The following RBFOX3 variants were observed in gnomAD, a reference collection of about 807,000 sequenced individuals.
RBFOX3 encodes RNA binding fox-1 homolog 3, also known as RNA binding protein fox-1 homolog 3.
Under a neutral mutation model 48.7 loss-of-function variants are expected in RBFOX3, and 17 were observed. The observed-to-expected ratio is 0.35, with a 90% CI of 0.24 to 0.52. The LOEUF (loss-of-function observed/expected upper bound fraction) is 0.52, where lower values mean the gene tolerates loss of function less well. Among genes scored for constraint, RBFOX3 ranks in the 20% least tolerant of loss-of-function variants. RBFOX3 has a pLI of 0.94. For missense variants in RBFOX3, 382 were observed against 497.5 expected, an observed-to-expected ratio of 0.77 and a Z score of 2.21; for synonymous variants, 212 against 209.5, an observed-to-expected ratio of 1.01 and a Z score of -0.10.
intron 4 of RBFOX3, among the ~76,000 whole-genome samples, chr17:79,200,195 G>T (rs1342958266): frequency 6.8e-6 from 1 of 147,680 alleles, no homozygotes; most frequent in Non-Finnish European, 1.5e-5. Context: ...TGGGAGAAAA[G>T]TACCCTCCTT....
chr17:79,093,551 A>G (rs1276573533), intron 14 of RBFOX3, among the ~76,000 whole-genome samples: 1 of 151,000 alleles, frequency 6.6e-6, no homozygotes, highest in African/African-American at 2.4e-5. Context: ...AAAAATTGAA[A>G]AAAAAAAAAA....
Position 79,173,884 on chromosome 17 carries a change from G to T in RBFOX3, c.-33-58136C>A, listed in dbSNP as rs57660995. On this transcript the variant is annotated intron_variant, in intron 4 of 14. Transcript: ENST00000693108. The stretch of plus-strand genomic sequence containing the variant: ...CTCCCCACGCTGAGTACAGAGCTTT[G>T]CACACGCCACGTGCTGAAGTGGAGC... Among the ~76,000 whole-genome samples, 1,248 of 141,658 alleles carry T rather than the reference G, an allele frequency of 8.8e-3. 27 individuals carry two copies. Among genetic ancestry groups the T allele is most frequent in the African/African-American group, 0.03 (1,176 of 39,290 alleles). 92.9% of individuals were successfully genotyped at this position (141,658 alleles called of 152,430 possible). A position where few individuals can be genotyped will look rare whatever the true frequency, so the allele number is the denominator to read the frequency against.
At chr17:79,386,177 G>A (rs1299332029) in intron 2 of RBFOX3, among the ~76,000 whole-genome samples, 5 of 135,296 alleles carry the variant, frequency 3.7e-5, no homozygotes, top group East Asian at 2.2e-4. Context: ...ATCACCTCCT[G>A]TAACAGATGG....
intron 1 of RBFOX3, among the ~76,000 whole-genome samples, chr17:79,573,307 C>A (rs2092742919): frequency 1.3e-5 from 2 of 152,324 alleles, no homozygotes; most frequent in South Asian, 2.1e-4. Flanking sequence ...AGCTGGGCAT[C>A]GAGACTGGGC....
intron 1 of RBFOX3, among the ~76,000 whole-genome samples, chr17:79,564,973 G>A (rs1392753326): frequency 1.1e-4 from 17 of 150,520 alleles, no homozygotes; most frequent in African/African-American, 3.4e-4. Flanking sequence ...CCCGGGAGGC[G>A]GAGTTGCAGT....
chr17:79,459,361 T>C (rs1015933062), intron 2 of RBFOX3, among the ~76,000 whole-genome samples: 71 of 152,202 alleles, frequency 4.7e-4, no homozygotes, highest in African/African-American at 1.7e-3. Context: ...CGTTCAGGAC[T>C]CTCTTCCCTC....
the RBFOX3 span, among the ~76,000 whole-genome samples, chr17:79,621,086 C>A: frequency 1.3e-5 from 2 of 151,870 alleles, no homozygotes; most frequent in Non-Finnish European, 2.9e-5. Context: ...GCAAGCTCCA[C>A]CTCCCAGGTT....
chr17:79,564,819 A>C (rs1256078140), intron 1 of RBFOX3, among the ~76,000 whole-genome samples: 1 of 152,148 alleles, frequency 6.6e-6, no homozygotes, highest in Non-Finnish European at 1.5e-5. Context: ...AGGTGGGCAG[A>C]TCACGAGGTC....
chr17:79,306,323 C>T (rs751222441), intron 3 of RBFOX3, among the ~76,000 whole-genome samples: 5 of 152,378 alleles, frequency 3.3e-5, no homozygotes, highest in East Asian at 3.9e-4. Context: ...TAGCTGACAA[C>T]GCGCCAGGCC....
At chr17:79,181,635 TCTGCCACTGCC>T (rs2051965689) in intron 4 of RBFOX3, among the ~76,000 whole-genome samples, 1 of 46,144 alleles carries the variant, frequency 2.2e-5, no homozygotes, top group Non-Finnish European at 4.0e-5. Context: ...CCGGCCACCC[TCTGCCACTGCC>T]GGCCACCCTC....
chr17:79,319,311 G>T (rs2078049315), intron 2 of RBFOX3, among the ~76,000 whole-genome samples: 1 of 152,224 alleles, frequency 6.6e-6, no homozygotes, highest in Non-Finnish European at 1.5e-5. Context: ...ACAGCAGAAA[G>T]GAAGAGGCGA....
the RBFOX3 span, among the ~76,000 whole-genome samples, chr17:79,638,437 T>A: frequency 1.3e-5 from 2 of 151,938 alleles, no homozygotes; most frequent in Admixed American, 6.6e-5. Flanking sequence ...ATAAAAAAGA[T>A]TATAAGGGAC....
At chr17:79,280,110 A>C (rs1423378844) in intron 3 of RBFOX3, among the ~76,000 whole-genome samples, 1 of 62,854 alleles carries the variant, frequency 1.6e-5, no homozygotes, top group Admixed American at 1.7e-4. Flanking sequence ...GCACATGTGT[A>C]TGCACACACA....
intron 1 of RBFOX3, among the ~76,000 whole-genome samples, chr17:79,533,026 G>T (rs1391694291): frequency 6.6e-6 from 1 of 152,260 alleles, no homozygotes; most frequent in East Asian, 1.9e-4. Flanking sequence ...CGCAGCGCTT[G>T]TCCTGTCTCA....
chr17:79,246,112 A>G (rs11650154), intron 3 of RBFOX3, among the ~76,000 whole-genome samples: 71,261 of 151,854 alleles, frequency 0.47, 16,864 homozygotes, highest in Middle Eastern at 0.62. Flanking sequence ...TCTGACCTTG[A>G]CTTTTATCTG....
chr17:79,663,374 C>T, the RBFOX3 span, among the ~76,000 whole-genome samples: 136,666 of 152,210 alleles, frequency 0.9, 61,724 homozygotes, highest in Non-Finnish European at 0.93. Context: ...TTAATGCAGC[C>T]AAAGAGCTTC....
chr17:79,373,519 G>A (rs1439749891), intron 2 of RBFOX3, among the ~76,000 whole-genome samples: 1 of 152,138 alleles, frequency 6.6e-6, no homozygotes, highest in African/African-American at 2.4e-5. Context: ...ATGGGTCAGA[G>A]GGGCCAGACG....
chr17:79,145,952 T>G (rs72855084), intron 4 of RBFOX3, among the ~76,000 whole-genome samples: 34,103 of 151,966 alleles, frequency 0.22, 4,074 homozygotes, highest in Middle Eastern at 0.28. Flanking sequence ...GGTTTTGGAA[T>G]GAAACTGTTC....
At chr17:79,579,561 G>A (rs1290510637) in intron 1 of RBFOX3, among the ~76,000 whole-genome samples, 4 of 152,108 alleles carry the variant, frequency 2.6e-5, no homozygotes, top group Admixed American at 2.0e-4. Flanking sequence ...CAGCACGCGC[G>A]AGTGATGAAG....
Sources: allele counts gnomAD v4.1 joint callset (sites outside exome capture counted in the v4.1 genomes callset), GRCh38; gene constraint gnomAD v4.1.1; transcripts MANE v1.5; gene names NCBI Gene and HGNC (gene_info 2026-07-23, HGNC 2026-07-21).